The following PRKD1 variants were observed in gnomAD, a reference collection of about 807,000 sequenced individuals.
The protein encoded by PRKD1 is protein kinase D1, also known as serine/threonine-protein kinase D1.
PRKD1 carries 63 observed loss-of-function variants against 95.9 expected under a neutral mutation model. The ratio of observed to expected loss-of-function variants is 0.66; its 90% CI spans 0.54 to 0.81. The LOEUF is 0.81. PRKD1 is among the 30% of genes least tolerant of loss of function. The probability of loss-of-function intolerance (pLI) is 0.00; values close to 1 mark genes in which losing one functional copy is unlikely to be tolerated. For synonymous variants in PRKD1, 425 were observed against 423.1 expected (o/e 1.00, Z -0.05); for missense variants, 1,048 against 1,165.3 (o/e 0.90, Z 1.47).
At chr14:29,599,896 G>T in intron 13 of PRKD1, 79 bp from the exon 14 acceptor site, 1 of 1,355,448 alleles carries the variant, frequency 7.4e-7, no homozygotes, top group East Asian at 2.3e-5. Flanking sequence ...ATACAAAACT[G>T]TTCAAGCTTA....
intron 1 of PRKD1, among the ~76,000 whole-genome samples, chr14:29,907,621 A>G (rs1894538853): frequency 6.6e-6 from 1 of 152,244 alleles, no homozygotes; most frequent in African/African-American, 2.4e-5. Context: ...TTTCTCAATC[A>G]GAATATACTT....
At chr14:29,688,107 C>G (rs900798599) in intron 2 of PRKD1, among the ~76,000 whole-genome samples, 6 of 152,142 alleles carry the variant, frequency 3.9e-5, no homozygotes, top group African/African-American at 1.4e-4. Flanking sequence ...ATTTTCTTGC[C>G]TTTCCAGCTT....
At chr14:29,817,341 AAGATTTCAAAAAAGATCC>A (rs1398796717) in intron 1 of PRKD1, among the ~76,000 whole-genome samples, 6 of 152,164 alleles carry the variant, frequency 3.9e-5, no homozygotes, top group Non-Finnish European at 7.3e-5. Flanking sequence ...GACTTTTGAA[AAGATTTCAAAAAAGATCC>A]AGATTTCTTC....
chr14:29,723,888 C>T (rs1164614811), intron 2 of PRKD1, among the ~76,000 whole-genome samples: 1 of 152,040 alleles, frequency 6.6e-6, no homozygotes, highest in African/African-American at 2.4e-5. Flanking sequence ...CTCTTAAATG[C>T]CCTCTCAACA....
At chr14:29,765,391 A>T (rs1888212424) in intron 1 of PRKD1, among the ~76,000 whole-genome samples, 1 of 152,210 alleles carries the variant, frequency 6.6e-6, no homozygotes, top group African/African-American at 2.4e-5. Context: ...AGAACAAGAC[A>T]TGCTGTTGAG....
intron 1 of PRKD1, among the ~76,000 whole-genome samples, chr14:29,867,638 C>G (rs903452241): frequency 6.6e-6 from 1 of 152,164 alleles, no homozygotes; most frequent in Non-Finnish European, 1.5e-5. Context: ...TTAAGCAGGA[C>G]GGTCATGTGA....
At chr14:29,684,143 G>GTTTTTTTTTTTTTTTTTTTTTTTT in intron 2 of PRKD1, among the ~76,000 whole-genome samples, 1 of 135,792 alleles carries the variant, frequency 7.4e-6, no homozygotes, top group Non-Finnish European at 1.6e-5. Context: ...CTTTAGAATG[G>GTTTTTTTTTTTTTTTTTTTTTTTT]TTTTTTTTTT....
At chr14:29,749,751 T>C (rs752045911) in intron 1 of PRKD1, among the ~76,000 whole-genome samples, 8 of 152,170 alleles carry the variant, frequency 5.3e-5, no homozygotes, top group Non-Finnish European at 1.2e-4. Context: ...AATTATTATA[T>C]AAGACAAGGA....
At chr14:29,846,727 C>T (rs981773378) in intron 1 of PRKD1, among the ~76,000 whole-genome samples, 2 of 152,130 alleles carry the variant, frequency 1.3e-5, no homozygotes, top group Non-Finnish European at 1.5e-5. Flanking sequence ...AAGACAGAGG[C>T]AGAGACCAGT....
At chr14:29,606,538 T>A (rs763522446) in intron 13 of PRKD1, among the ~76,000 whole-genome samples, 1 of 152,298 alleles carries the variant, frequency 6.6e-6, no homozygotes, top group East Asian at 1.9e-4. Flanking sequence ...TCTAGGAGAC[T>A]TGTATTTATT....
intron 13 of PRKD1, among the ~76,000 whole-genome samples, chr14:29,622,134 T>G (rs1273783982): frequency 1.3e-5 from 2 of 152,060 alleles, no homozygotes; most frequent in African/African-American, 4.8e-5. Flanking sequence ...AGAAGATCCT[T>G]CTCTTGTGCA....
chr14:29,912,218 G>C (rs1894741547), intron 1 of PRKD1, among the ~76,000 whole-genome samples: 1 of 152,046 alleles, frequency 6.6e-6, no homozygotes, highest in African/African-American at 2.4e-5. Context: ...TGACCTATAA[G>C]GTAACATTCA....
At chr14:29,823,449 A>G (rs7152939) in intron 1 of PRKD1, among the ~76,000 whole-genome samples, 60 of 152,340 alleles carry the variant, frequency 3.9e-4, no homozygotes, top group African/African-American at 1.4e-3. Flanking sequence ...GTTAAAGTAT[A>G]TATTTAATTA....
intron 16 of PRKD1, among the ~76,000 whole-genome samples, chr14:29,586,575 A>C (rs191959124): frequency 1.3e-5 from 2 of 152,192 alleles, no homozygotes; most frequent in Non-Finnish European, 2.9e-5. Flanking sequence ...ATATTATTTT[A>C]TGTTGTGCTA....
intron 4 of PRKD1, among the ~76,000 whole-genome samples, chr14:29,648,821 A>AT (rs988644130): frequency 9.2e-5 from 14 of 151,822 alleles, no homozygotes; most frequent in African/African-American, 3.4e-4. Context: ...TGCCCAGCTA[A>AT]TTTTTTGTAT....
chr14:29,908,791 C>T (rs566885996), intron 1 of PRKD1, among the ~76,000 whole-genome samples: 1 of 152,096 alleles, frequency 6.6e-6, no homozygotes, highest in African/African-American at 2.4e-5. Context: ...CGAGTAAGAA[C>T]AATGGTCTTA....
At chr14:29,583,543 G>C (rs887412711) in intron 16 of PRKD1, among the ~76,000 whole-genome samples, 1 of 151,968 alleles carries the variant, frequency 6.6e-6, no homozygotes, top group Admixed American at 6.6e-5. Flanking sequence ...TTTATTCTGG[G>C]GGGTGAGTCT....
chr14:29,633,952 A>G (rs1025442817), intron 8 of PRKD1, among the ~76,000 whole-genome samples: 3 of 152,200 alleles, frequency 2.0e-5, no homozygotes, highest in Non-Finnish European at 4.4e-5. Context: ...CTCATTCCTC[A>G]ACTATTAAGA....
chr14:29,599,740 T>G lies in PRKD1; in HGVS notation c.1983A>C (p.Lys661Asn). The part of the protein sequence containing the change: ...TPERVFVVME[K>N]LHGDMLEMIL... ...TCATTTCCAGCATGTCTCCATGGAG[T>G]TTTTCCATAACAACAAACACTCTTT... The change falls in exon 14 of 18, where the codon AAA becomes AAC. Residue 661 changes from lysine to asparagine, a missense_variant. Around this residue, in one of 3 missense-constraint regions of PRKD1, gnomAD observed 739 missense variants for 861.9 expected, o/e 0.86. Coordinates refer to ENST00000331968, the MANE Select transcript of PRKD1 (RefSeq NM_002742.3). 2 of 1,613,174 alleles carry G rather than the reference T, an allele frequency of 1.2e-6. No individual in the cohort carries two copies. The highest frequency in any genetic ancestry group is 1.7e-6 in the Non-Finnish European group (2 of 1,179,620).
Sources: allele counts gnomAD v4.1 joint callset (sites outside exome capture counted in the v4.1 genomes callset), GRCh38; gene constraint gnomAD v4.1.1; regional missense constraint gnomAD v4.1.1; transcripts MANE v1.5; gene names NCBI Gene and HGNC (gene_info 2026-07-23, HGNC 2026-07-21).